ARB2A: variants seen among roughly 807,000 people sequenced by gnomAD.
ARB2A encodes ARB2 cotranscriptional regulator A.
At chr5:93,925,784 T>A in the ARB2A span, among the ~76,000 whole-genome samples, 2 of 152,150 alleles carry the variant, frequency 1.3e-5, no homozygotes, top group African/African-American at 4.8e-5. Context: ...AAGAAAATCC[T>A]ATCTCTGACG....
chr5:93,864,006 C>T, the ARB2A span, among the ~76,000 whole-genome samples: 1 of 152,262 alleles, frequency 6.6e-6, no homozygotes, highest in Admixed American at 6.5e-5. Flanking sequence ...TGTCATTTAA[C>T]TAATATTTGG....
At chr5:94,065,009 A>G in the ARB2A span, among the ~76,000 whole-genome samples, 1 of 152,244 alleles carries the variant, frequency 6.6e-6, no homozygotes, top group Admixed American at 6.5e-5. Flanking sequence ...AAAGAAAAAA[A>G]CAAAGGATAT....
the ARB2A span, among the ~76,000 whole-genome samples, chr5:93,639,481 T>C: frequency 6.6e-6 from 1 of 152,070 alleles, no homozygotes; most frequent in Non-Finnish European, 1.5e-5. Context: ...TGCAACTGCC[T>C]TCTACATGGC....
At chr5:94,109,215 G>A in the ARB2A span, among the ~76,000 whole-genome samples, 1 of 152,162 alleles carries the variant, frequency 6.6e-6, no homozygotes, top group South Asian at 2.1e-4. Flanking sequence ...CTTATATGAG[G>A]TACCTAGAGT....
the ARB2A span, among the ~76,000 whole-genome samples, chr5:93,841,728 C>T: frequency 6.6e-6 from 1 of 152,176 alleles, no homozygotes; most frequent in Non-Finnish European, 1.5e-5. Flanking sequence ...TGTTAAAACA[C>T]ATTTAATATT....
the ARB2A span, among the ~76,000 whole-genome samples, chr5:93,974,924 C>A: frequency 4.6e-5 from 7 of 152,200 alleles, no homozygotes; most frequent in African/African-American, 1.7e-4. Context: ...TCAAAAAATT[C>A]TTTTAAACAA....
the ARB2A span, among the ~76,000 whole-genome samples, chr5:93,882,544 T>C: frequency 2.6e-5 from 4 of 151,172 alleles, no homozygotes; most frequent in Non-Finnish European, 4.4e-5. Context: ...CTGGCAAACA[T>C]TTCTGTGGTT....
the ARB2A span, chr5:93,862,085 A>C: frequency 6.6e-6 from 1 of 151,408 alleles, no homozygotes; most frequent in Non-Finnish European, 1.5e-5. Flanking sequence ...GTTATGATTT[A>C]TTACTTCCTT....
chr5:93,729,491 T>C, the ARB2A span, among the ~76,000 whole-genome samples: 11 of 152,114 alleles, frequency 7.2e-5, no homozygotes, highest in African/African-American at 2.7e-4. Context: ...GTCTGGGAAA[T>C]GGCCAAACAT....
the ARB2A span, among the ~76,000 whole-genome samples, chr5:94,094,174 C>T: frequency 5.3e-5 from 8 of 152,210 alleles, no homozygotes; most frequent in Non-Finnish European, 2.9e-5. Context: ...ACTGCATAGA[C>T]TGGGTTGCTT....
the ARB2A span, chr5:93,735,203 A>G: frequency 6.6e-6 from 1 of 152,208 alleles, no homozygotes. Context: ...GTTTCTACAT[A>G]TCATCTTAAA....
the ARB2A span, among the ~76,000 whole-genome samples, chr5:93,997,011 T>C: frequency 6.6e-6 from 1 of 152,038 alleles, no homozygotes; most frequent in Non-Finnish European, 1.5e-5. Context: ...AAGACAGGTG[T>C]CTGCTCTCAG....
chr5:93,804,852 G>T, the ARB2A span: 1 of 769,548 alleles, frequency 1.3e-6, no homozygotes, highest in Non-Finnish European at 1.6e-6. Context: ...TGAAAAATTT[G>T]AAATTTGTAC....
At chr5:93,623,333 C>A in the ARB2A span, among the ~76,000 whole-genome samples, 2 of 152,002 alleles carry the variant, frequency 1.3e-5, no homozygotes, top group Admixed American at 6.6e-5. Flanking sequence ...GCATTTCCTC[C>A]ATAGTGATCA....
the ARB2A span, among the ~76,000 whole-genome samples, chr5:93,626,428 C>A: frequency 6.6e-6 from 1 of 152,156 alleles, no homozygotes; most frequent in Non-Finnish European, 1.5e-5. Context: ...GCCATTCACT[C>A]TTATAATTAT....
At chr5:93,723,624 A>T in the ARB2A span, among the ~76,000 whole-genome samples, 1 of 152,106 alleles carries the variant, frequency 6.6e-6, no homozygotes, top group Non-Finnish European at 1.5e-5. Context: ...TTTATTTTTT[A>T]ATATTTATTT....
At chr5:94,030,477 C>G in the ARB2A span, among the ~76,000 whole-genome samples, 1 of 152,212 alleles carries the variant, frequency 6.6e-6, no homozygotes, top group South Asian at 2.1e-4. Context: ...GGGCATGGGC[C>G]CCTATATCTC....
At chr5:93,761,846 T>G in the ARB2A span, among the ~76,000 whole-genome samples, 35 of 152,274 alleles carry the variant, frequency 2.3e-4, no homozygotes, top group Non-Finnish European at 3.4e-4. Context: ...CAGGTACTCC[T>G]CTGAGACAAA....
chr5:93,982,540 C>T, the ARB2A span, among the ~76,000 whole-genome samples: 4 of 152,096 alleles, frequency 2.6e-5, no homozygotes, highest in African/African-American at 9.7e-5. Flanking sequence ...TCATGCAATA[C>T]TTAGTGAAGG....
Sources: allele counts gnomAD v4.1 joint callset (sites outside exome capture counted in the v4.1 genomes callset), GRCh38; gene constraint gnomAD v4.1.1; transcripts MANE v1.5; gene names NCBI Gene and HGNC (gene_info 2026-07-23, HGNC 2026-07-21).